FAM110A: variants seen among roughly 807,000 people sequenced by gnomAD.
FAM110A encodes the protein family with sequence similarity 110 member A, also known as protein FAM110A.
Under a neutral mutation model 4.0 loss-of-function variants are expected in FAM110A, and 1 was observed. The ratio of observed to expected loss-of-function variants is 0.25; its 90% CI spans 0.09 to 1.20. The LOEUF is 1.20. FAM110A is among the 50% of genes most tolerant of loss of function. FAM110A has a pLI of 0.50. For missense variants in FAM110A, 436 were observed against 429.2 expected, an observed-to-expected ratio of 1.02 and a Z score of -0.14; for synonymous variants, 217 against 196.8, an observed-to-expected ratio of 1.10 and a Z score of -0.86.
At chr20:841,316 G>C (rs1368781464) in intron 1 of FAM110A, 1 of 152,488 alleles carries the variant, frequency 6.6e-6, no homozygotes, top group African/African-American at 2.4e-5. Context: ...GGCGCAGCCG[G>C]GTACGTGCGG....
chr20:841,585 G>A (rs1444290182), intron 1 of FAM110A, among the ~76,000 whole-genome samples: 3 of 152,034 alleles, frequency 2.0e-5, no homozygotes, highest in African/African-American at 7.2e-5. Context: ...AGCCAGCCTG[G>A]GGATCTGAGT....
chr20:835,777 C>T (rs1979545591), intron 1 of FAM110A, among the ~76,000 whole-genome samples: 1 of 152,220 alleles, frequency 6.6e-6, no homozygotes, highest in African/African-American at 2.4e-5. Context: ...GGTGGCCCAG[C>T]TGGGTGTCCC....
At position 834,767 on chromosome 20, in the gene FAM110A, T is replaced by G. The variant is rs73602178; in HGVS notation, c.-98+816T>G. On this transcript the variant is annotated intron_variant, in intron 1 of 1. Coordinates refer to ENST00000381941, the MANE Select transcript of FAM110A (RefSeq NM_001042353.3). The surrounding 1 kb of genome is among the most constrained non-coding windows in gnomAD (Gnocchi z 5.6). ...CCTCTGGCTTCAATCTTAGAATCCT[T>G]GACACACAGAATCATGCATTTTGAG... Among the ~76,000 whole-genome samples, 904 of 152,324 alleles carry G rather than the reference T, an allele frequency of 5.9e-3. 15 individuals carry two copies. The highest frequency in any genetic ancestry group is 0.035 in the East Asian group (182 of 5,180).
At chr20:835,186 C>CTA (rs1358991459) in intron 1 of FAM110A, among the ~76,000 whole-genome samples, 19 of 136,192 alleles carry the variant, frequency 1.4e-4, no homozygotes, top group African/African-American at 4.1e-4. Flanking sequence ...CTCTCTCTCT[C>CTA]TCTCTCTCTC....
In FAM110A at chr20:845,867, C is replaced by T. The variant is rs1980324284; in HGVS notation, c.*175C>T. On this transcript the variant is annotated 3_prime_UTR_variant, in exon 2 of 2. Transcript: ENST00000381941. ...CAGCATTGTTGGGCAAGGACTGACT[C>T]TCCAAGGGTTTTGTTCTTGGCTTTG... is the stretch of plus-strand genomic sequence containing the variant. 14 of 1,383,516 alleles carry T rather than the reference C, an allele frequency of 1.0e-5. 1 individual carries two copies. The highest frequency in any genetic ancestry group is 1.2e-5 in the Non-Finnish European group (12 of 1,040,256). 85.7% of individuals were successfully genotyped at this position (1,383,516 alleles called of 1,614,324 possible).
At chr20:839,915 C>T (rs368494054) in intron 1 of FAM110A, 1 of 1,585,136 alleles carries the variant, frequency 6.3e-7, no homozygotes, top group African/African-American at 1.3e-5. Context: ...TCTTGGCCAC[C>T]ATGACTCCCT....
chr20:839,916 A>G (rs927647370), intron 1 of FAM110A: 24 of 1,584,862 alleles, frequency 1.5e-5, no homozygotes, highest in Non-Finnish European at 1.9e-5. Context: ...CTTGGCCACC[A>G]TGACTCCCTC....
chr20:844,819 G>T lies in FAM110A; in HGVS notation c.15G>T (p.Thr5=). 7 of 1,497,070 alleles carry T rather than the reference G, an allele frequency of 4.7e-6. No individual in the cohort carries two copies. Among genetic ancestry groups the T allele is most frequent in the Non-Finnish European group, 6.2e-6 (7 of 1,125,096 alleles). The allele number at this position is 1,497,070 out of a possible 1,614,324, so 92.7% of individuals were successfully genotyped here. The change falls in exon 2 of 2, where the codon ACG becomes ACT. Residue 5 remains threonine (T), a synonymous_variant. Transcript: ENST00000381941. MPVH[T]LSPGAPSAPA... The stretch of plus-strand genomic sequence containing the variant: ...ATGCAGCAGCCATGCCTGTGCACAC[G>T]CTGAGCCCCGGAGCCCCGTCCGCCC...
rs75422170 is a variant in FAM110A, at chr20:840,485, C to G, written c.-97-4223C>G. On this transcript the variant is annotated intron_variant, in intron 1 of 1. Coordinates refer to ENST00000381941, the MANE Select transcript of FAM110A (RefSeq NM_001042353.3). The surrounding 1 kb of genome is among the most constrained non-coding windows in gnomAD (Gnocchi z 4.4). ...TGACAGTCACCTCCCTCTGGGAATTCCTTCCTGCAGGGCTGCAGTCTCATG... is the reference window on the plus strand; with the variant it reads ...TGACAGTCACCTCCCTCTGGGAATTGCTTCCTGCAGGGCTGCAGTCTCATG... Among the ~76,000 whole-genome samples the G allele has an allele frequency of 0.011, 1,650 of 152,338 alleles. 23 individuals are homozygous for G. The highest frequency in any genetic ancestry group is 0.018 in the Non-Finnish European group (1,194 of 68,028).
intron 1 of FAM110A, among the ~76,000 whole-genome samples, chr20:842,454 G>A (rs1327792483): frequency 6.6e-6 from 1 of 152,206 alleles, no homozygotes; most frequent in Non-Finnish European, 1.5e-5. Context: ...CCTGGGGGTG[G>A]GGCAGAGTTT....
At position 845,721 on chromosome 20, in the gene FAM110A, G is replaced by T; in HGVS notation, c.*29G>T. On this transcript the variant is annotated 3_prime_UTR_variant, in exon 2 of 2. Transcript: ENST00000381941. ...CCACTGGGCCTGGAATTCGCCACAGGACGGATCTTACAGAGGCAAGTGGTC... is the reference window on the plus strand; with the variant it reads ...CCACTGGGCCTGGAATTCGCCACAGTACGGATCTTACAGAGGCAAGTGGTC... The T allele has an allele frequency of 6.2e-7, 1 of 1,613,296 alleles. No homozygotes were observed. Among genetic ancestry groups the T allele is most frequent in the Non-Finnish European group, 8.5e-7 (1 of 1,179,752 alleles).
chr20:845,299 G>A lies in FAM110A; in HGVS notation c.495G>A (p.Arg165=), dbSNP rs1568793270. 1.3e-6 allele frequency: 2 copies of A among 1,534,542 alleles called. No homozygotes were observed. Among genetic ancestry groups the A allele is most frequent in the East Asian group, 2.5e-5 (1 of 40,494 alleles). The change falls in exon 2 of 2, where the codon CGG becomes CGA. Residue 165 remains arginine, a synonymous_variant. Transcript: ENST00000381941. ...DVRPLPASPA[R]PCPSPGPAAA... The stretch of plus-strand genomic sequence containing the variant: ...GCCCCCTGCCCGCCTCGCCTGCCCG[G>A]CCCTGCCCATCACCCGGCCCTGCCG...
Sources: allele counts gnomAD v4.1 joint callset (sites outside exome capture counted in the v4.1 genomes callset), GRCh38; gene constraint gnomAD v4.1.1; non-coding constraint Gnocchi (gnomAD v3.1); transcripts MANE v1.5; gene names NCBI Gene and HGNC (gene_info 2026-07-23, HGNC 2026-07-21).